XKR6: variants seen among roughly 807,000 people sequenced by gnomAD.
XKR6 encodes XK-related protein 6.
A neutral mutation model predicts 56.7 loss-of-function variants in XKR6; 22 were observed. The observed-to-expected ratio is 0.39, with a 90% CI of 0.28 to 0.55. The LOEUF (loss-of-function observed/expected upper bound fraction) is 0.55. Ranked by LOEUF, XKR6 falls within the 20% of genes least tolerant of loss-of-function variation. The pLI is 0.66. For synonymous variants in XKR6, 524 were observed against 387.8 expected (o/e 1.35, Z -4.13); for missense variants, 852 against 889.0 (o/e 0.96, Z 0.53).
At chr8:11,063,491 C>A in intron 1 of XKR6, among the ~76,000 whole-genome samples, 1 of 144,358 alleles carries the variant, frequency 6.9e-6, no homozygotes, top group African/African-American at 2.6e-5. Context: ...CCCAGCTCCC[C>A]AGGTGACAGA....
intron 1 of XKR6, among the ~76,000 whole-genome samples, chr8:11,176,515 GTATA>G (rs1252109406): frequency 1.3e-5 from 2 of 152,110 alleles, no homozygotes; most frequent in African/African-American, 2.4e-5. Context: ...TGCAACGTTT[GTATA>G]TATTTTTAAA....
intron 1 of XKR6, among the ~76,000 whole-genome samples, chr8:11,086,667 G>C (rs1005002894): frequency 6.6e-6 from 1 of 152,168 alleles, no homozygotes; most frequent in Non-Finnish European, 1.5e-5. Context: ...CAGCTACAAA[G>C]TAAACCCCCA....
rs368572413 is a variant in XKR6 at position 10,974,544 on chromosome 8, T to C, written c.765-49714A>G. On this transcript the variant is annotated intron_variant, in intron 1 of 2. Coordinates refer to ENST00000416569, the MANE Select transcript of XKR6 (RefSeq NM_173683.4). ...CAGCTCAGCCACATACTGAGCCATATCTTTTTGCAGGAAAAGTAATTTTTT... is the reference window on the plus strand; with the variant it reads ...CAGCTCAGCCACATACTGAGCCATACCTTTTTGCAGGAAAAGTAATTTTTT... Among the ~76,000 whole-genome samples the C allele has an allele frequency of 5.3e-5, 8 of 152,332 alleles. No individual in the cohort carries two copies. In the East Asian group the frequency reaches 7.7e-4, roughly 15 times the overall value.
chr8:10,962,989 G>A (rs1802107898), intron 1 of XKR6, among the ~76,000 whole-genome samples: 2 of 152,190 alleles, frequency 1.3e-5, no homozygotes, highest in Admixed American at 1.3e-4. Context: ...TCTAAATAGT[G>A]ACTATCTTTT....
chr8:10,952,295 G>A (rs1047692942), intron 1 of XKR6, among the ~76,000 whole-genome samples: 4 of 152,218 alleles, frequency 2.6e-5, no homozygotes, highest in African/African-American at 7.2e-5. Context: ...GGTAGAAAGA[G>A]GCCCACTTAC....
chr8:11,161,584 T>G (rs1033899888), intron 1 of XKR6, among the ~76,000 whole-genome samples: 2 of 152,236 alleles, frequency 1.3e-5, no homozygotes, highest in African/African-American at 4.8e-5. Flanking sequence ...GAGCATGATT[T>G]AGTGCCTGGC....
intron 1 of XKR6, among the ~76,000 whole-genome samples, chr8:11,064,736 T>C (rs976420610): frequency 6.6e-6 from 1 of 152,132 alleles, no homozygotes; most frequent in African/African-American, 2.4e-5. Context: ...GGCACACAAA[T>C]AATAAAAATA....
At chr8:11,004,413 A>G (rs770856386) in intron 1 of XKR6, among the ~76,000 whole-genome samples, 1 of 152,206 alleles carries the variant, frequency 6.6e-6, no homozygotes, top group African/African-American at 2.4e-5. Flanking sequence ...CGGAGGTTGC[A>G]GTGAGCCGAG....
intron 1 of XKR6, among the ~76,000 whole-genome samples, chr8:10,998,154 C>A (rs1798157062): frequency 1.3e-5 from 2 of 152,068 alleles, no homozygotes; most frequent in South Asian, 4.2e-4. Context: ...CAGAGAGCGT[C>A]CAGCACTCAC....
At chr8:10,932,964 T>C (rs1801106318) in intron 1 of XKR6, among the ~76,000 whole-genome samples, 1 of 150,376 alleles carries the variant, frequency 6.6e-6, no homozygotes, top group African/African-American at 2.5e-5. Context: ...CTGGGTCAAA[T>C]GGTATTTCTA....
At chr8:11,171,988 G>A (rs962718524) in intron 1 of XKR6, among the ~76,000 whole-genome samples, 1 of 151,732 alleles carries the variant, frequency 6.6e-6, no homozygotes, top group Non-Finnish European at 1.5e-5. Context: ...GGGAGGCACA[G>A]TATGCAGTGA....
At chr8:10,962,399 G>A (rs1401043978) in intron 1 of XKR6, among the ~76,000 whole-genome samples, 2 of 152,236 alleles carry the variant, frequency 1.3e-5, no homozygotes, top group African/African-American at 2.4e-5. Flanking sequence ...AACCCCAAGA[G>A]GGAGGTCCCC....
chr8:11,167,116 G>C (rs989835051), intron 1 of XKR6, among the ~76,000 whole-genome samples: 8 of 152,032 alleles, frequency 5.3e-5, no homozygotes, highest in African/African-American at 1.7e-4. Context: ...TGTCAGAGTA[G>C]ACAATTCCAA....
chr8:11,153,493 A>G (rs981995162), intron 1 of XKR6, among the ~76,000 whole-genome samples: 1 of 152,248 alleles, frequency 6.6e-6, no homozygotes, highest in Admixed American at 6.5e-5. Context: ...TATAAAAGTA[A>G]TAACATCATA....
intron 1 of XKR6, among the ~76,000 whole-genome samples, chr8:11,091,241 G>C (rs1297570414): frequency 6.6e-6 from 1 of 152,060 alleles, no homozygotes; most frequent in Non-Finnish European, 1.5e-5. Flanking sequence ...GACAAGCCTG[G>C]CTAACACAGT....
At chr8:11,098,967 G>C (rs1450209069) in intron 1 of XKR6, among the ~76,000 whole-genome samples, 2 of 152,156 alleles carry the variant, frequency 1.3e-5, no homozygotes, top group Non-Finnish European at 2.9e-5. Flanking sequence ...ATAGAAAGGG[G>C]TATTAATAAG....
chr8:11,019,958 C>G (rs567587620), intron 1 of XKR6, among the ~76,000 whole-genome samples: 2 of 152,234 alleles, frequency 1.3e-5, no homozygotes, highest in East Asian at 3.9e-4. Context: ...GAGGAACCGC[C>G]ACTGATAATC....
chr8:11,149,606 T>C (rs866415297), intron 1 of XKR6, among the ~76,000 whole-genome samples: 6 of 151,836 alleles, frequency 4.0e-5, no homozygotes, highest in Non-Finnish European at 5.9e-5. Context: ...ATGCCTATGC[T>C]TCACGTTAAA....
intron 1 of XKR6, among the ~76,000 whole-genome samples, chr8:10,996,305 T>C (rs979069670): frequency 2.6e-5 from 4 of 152,114 alleles, no homozygotes; most frequent in African/African-American, 7.2e-5. Context: ...TGTCAAAAGC[T>C]CTGGCGGGCC....
Sources: gnomAD v4.1 joint callset for allele counts (sites outside exome capture counted in the v4.1 genomes callset) on GRCh38, gnomAD v4.1.1 for gene constraint, MANE v1.5 for transcripts, NCBI Gene and HGNC (gene_info 2026-07-23, HGNC 2026-07-21) for gene names.